ADAM23: variants seen among roughly 807,000 people sequenced by gnomAD.
The protein encoded by ADAM23 is ADAM metallopeptidase domain 23.
A neutral mutation model predicts 120.1 loss-of-function variants in ADAM23; 33 were observed. That is an observed-to-expected ratio of 0.27 (90% CI 0.21 to 0.37). The LOEUF is 0.37. Ranked by LOEUF, ADAM23 falls within the 10% of genes least tolerant of loss-of-function variation. The pLI is 1.00. For synonymous variants in ADAM23, 367 were observed against 375.2 expected, an observed-to-expected ratio of 0.98 and a Z score of 0.25; for missense variants, 862 against 1,058.2, an observed-to-expected ratio of 0.81 and a Z score of 2.57.
chr2:206,580,660 A>G (rs982254854), intron 18 of ADAM23, among the ~76,000 whole-genome samples: 18 of 152,118 alleles, frequency 1.2e-4, no homozygotes, highest in African/African-American at 3.9e-4. Context: ...TTCATCAAGG[A>G]TATCGGTGTG....
intron 18 of ADAM23, among the ~76,000 whole-genome samples, chr2:206,576,182 C>A (rs1033341939): frequency 1.3e-5 from 2 of 151,944 alleles, no homozygotes; most frequent in Non-Finnish European, 2.9e-5. Flanking sequence ...TGTTTAATGA[C>A]GTGTATTGAC....
chr2:206,599,976 C>A (rs996896892), intron 24 of ADAM23, among the ~76,000 whole-genome samples: 2 of 152,080 alleles, frequency 1.3e-5, no homozygotes, highest in African/African-American at 4.8e-5. Flanking sequence ...CCAAGGCGGG[C>A]GGATCACAAG....
At chr2:206,557,834 A>G (rs1025542350) in intron 10 of ADAM23, among the ~76,000 whole-genome samples, 8 of 152,368 alleles carry the variant, frequency 5.3e-5, no homozygotes, top group Middle Eastern at 3.4e-3. Flanking sequence ...TAAAGAAACA[A>G]CTGGGCTTTT....
chr2:206,457,425 A>G (rs758400824), intron 2 of ADAM23, among the ~76,000 whole-genome samples: 1 of 152,174 alleles, frequency 6.6e-6, no homozygotes, highest in African/African-American at 2.4e-5. Context: ...CTTTTTTCAC[A>G]CATCTGTGGG....
intron 4 of ADAM23, among the ~76,000 whole-genome samples, chr2:206,540,905 A>C (rs1297301099): frequency 6.7e-6 from 1 of 148,424 alleles, no homozygotes; most frequent in Non-Finnish European, 1.5e-5. Flanking sequence ...TATTTTATAA[A>C]TAATAAAAAT....
chr2:206,499,543 G>A (rs1420390565), intron 3 of ADAM23, among the ~76,000 whole-genome samples: 4 of 151,424 alleles, frequency 2.6e-5, no homozygotes, highest in Non-Finnish European at 5.9e-5. Flanking sequence ...AATGCTAAAT[G>A]ACGAGTTAAT....
At chr2:206,457,323 A>G (rs1695320159) in intron 2 of ADAM23, among the ~76,000 whole-genome samples, 1 of 152,226 alleles carries the variant, frequency 6.6e-6, no homozygotes, top group Non-Finnish European at 1.5e-5. Flanking sequence ...AAAAGCCCAA[A>G]CAAGTCAGGT....
chr2:206,480,315 G>T (rs1695870470), intron 2 of ADAM23, among the ~76,000 whole-genome samples: 1 of 152,108 alleles, frequency 6.6e-6, no homozygotes, highest in Non-Finnish European at 1.5e-5. Context: ...GAGATGCCTG[G>T]TGTGTTCATG....
chr2:206,559,617 T>C (rs1049233454), intron 10 of ADAM23, among the ~76,000 whole-genome samples: 5 of 152,188 alleles, frequency 3.3e-5, no homozygotes, highest in Admixed American at 3.3e-4. Context: ...TCCAACCTGT[T>C]ACCTGCTATG....
At chr2:206,592,834 T>C in intron 22 of ADAM23, 98 bp downstream of exon 22, 1 of 1,417,720 alleles carries the variant, frequency 7.1e-7, no homozygotes, top group Non-Finnish European at 9.6e-7. Context: ...ATTTTTCTAG[T>C]TTTTACAAGA....
At chr2:206,502,348 C>T (rs1020347340) in intron 3 of ADAM23, among the ~76,000 whole-genome samples, 1 of 151,932 alleles carries the variant, frequency 6.6e-6, no homozygotes, top group African/African-American at 2.4e-5. Flanking sequence ...AGAAACTTTT[C>T]TTCTGTGTTT....
chr2:206,614,434 C>T (rs989584735), intron 25 of ADAM23, among the ~76,000 whole-genome samples: 2 of 127,226 alleles, frequency 1.6e-5, no homozygotes, highest in African/African-American at 6.0e-5. Context: ...GTGGACAGAT[C>T]GCCTGAGGAC....
intron 3 of ADAM23, among the ~76,000 whole-genome samples, chr2:206,525,628 G>C (rs1696927506): frequency 6.6e-6 from 1 of 152,118 alleles, no homozygotes; most frequent in Non-Finnish European, 1.5e-5. Flanking sequence ...GTCTTGCTCT[G>C]TCGCTCAGGC....
chr2:206,551,254 A>C (rs1007998581), intron 9 of ADAM23, among the ~76,000 whole-genome samples: 6 of 152,140 alleles, frequency 3.9e-5, no homozygotes, highest in African/African-American at 1.4e-4. Context: ...TCAAGCTATC[A>C]AAGTGAGATC....
chr2:206,502,638 G>A (rs2105894589), intron 3 of ADAM23, among the ~76,000 whole-genome samples: 1 of 152,144 alleles, frequency 6.6e-6, no homozygotes. Context: ...CAAAGCCCCA[G>A]TATTGTTTAA....
chr2:206,460,377 C>G (rs1157822455), intron 2 of ADAM23, among the ~76,000 whole-genome samples: 1 of 152,160 alleles, frequency 6.6e-6, no homozygotes, highest in African/African-American at 2.4e-5. Context: ...ACATCCTTAC[C>G]AGCACTGGTT....
intron 11 of ADAM23, 135 bp downstream of exon 11, chr2:206,560,253 T>A: frequency 1.1e-6 from 1 of 927,940 alleles, no homozygotes; most frequent in Non-Finnish European, 1.6e-6. Flanking sequence ...GTCTGTTAGA[T>A]AAGAAGCATG....
intron 9 of ADAM23, among the ~76,000 whole-genome samples, chr2:206,554,116 C>T (rs1478207270): frequency 6.6e-6 from 1 of 152,116 alleles, no homozygotes; most frequent in African/African-American, 2.4e-5. Context: ...TAGAAACATT[C>T]TGCCTACATT....
chr2:206,600,685 A>G (rs1043821681), intron 24 of ADAM23, among the ~76,000 whole-genome samples: 2 of 152,128 alleles, frequency 1.3e-5, no homozygotes, highest in Non-Finnish European at 2.9e-5. Flanking sequence ...CTGTGTGAGG[A>G]CTGAAAGCAT....
Sources: allele counts gnomAD v4.1 joint callset (sites outside exome capture counted in the v4.1 genomes callset), GRCh38; gene constraint gnomAD v4.1.1; transcripts MANE v1.5; gene names NCBI Gene and HGNC (gene_info 2026-07-23, HGNC 2026-07-21).